Variants in CLVS1 observed in about 807,000 individuals in gnomAD.
CLVS1 encodes the protein clavesin-1.
In CLVS1, 10 loss-of-function variants were observed where a neutral mutation model predicts 33.1. The ratio of observed to expected loss-of-function variants is 0.30; its 90% CI spans 0.19 to 0.51. The LOEUF (loss-of-function observed/expected upper bound fraction) is 0.51, where lower values mean the gene tolerates loss of function less well. Among genes scored for constraint, CLVS1 ranks in the 20% least tolerant of loss-of-function variants. The pLI is 0.97. For synonymous variants in CLVS1, 163 were observed against 166.1 expected (o/e 0.98, Z 0.14); for missense variants, 343 against 433.4 (o/e 0.79, Z 1.85).
Position 61,482,534 on chromosome 8 carries a change from A to G in CLVS1, c.978-16921A>G, listed in dbSNP as rs190492120. Among the ~76,000 whole-genome samples the G allele has an allele frequency of 5.3e-5, 8 of 152,364 alleles. No individual in the cohort carries two copies. In the South Asian group the frequency reaches 6.2e-4, roughly 12 times the overall value. On this transcript the variant is annotated intron_variant, in intron 5 of 5. Coordinates refer to ENST00000325897, the MANE Select transcript of CLVS1 (RefSeq NM_173519.3). The stretch of plus-strand genomic sequence containing the variant: ...AAATGACCTAATGGAGCTGAAAACC[A>G]TGGCACAAGAACTACACGACACATG...
Position 61,213,745 on chromosome 8 carries a change from T to C in CLVS1, c.-152+81885T>C, listed in dbSNP as rs190489349. Among the ~76,000 whole-genome samples the C allele has an allele frequency of 9.0e-3, 1,375 of 152,258 alleles. 5 individuals are homozygous for C. The highest frequency in any genetic ancestry group is 0.015 in the Non-Finnish European group (1,020 of 68,022). Reference sequence around the variant, plus strand: ...AATTGCACAAATTGTAGAGCATGTGTGTTTGAGCAATATTAAATCTGGGCA... The same window carrying C: ...AATTGCACAAATTGTAGAGCATGTGCGTTTGAGCAATATTAAATCTGGGCA... On this transcript the variant is annotated intron_variant, in intron 2 of 2. Transcript: ENST00000522621.
At chr8:61,192,826 T>C (rs1807521302) in intron 2 of CLVS1, among the ~76,000 whole-genome samples, 1 of 151,936 alleles carries the variant, frequency 6.6e-6, no homozygotes, top group African/African-American at 2.4e-5. Context: ...TGAGATACCA[T>C]GTCACACCAG....
intron 5 of CLVS1, among the ~76,000 whole-genome samples, chr8:61,485,656 T>A (rs1803850399): frequency 6.6e-6 from 1 of 152,262 alleles, no homozygotes. Flanking sequence ...GTATGTTTAT[T>A]GCAGCACTAT....
intron 2 of CLVS1, among the ~76,000 whole-genome samples, chr8:61,250,735 A>G (rs1445809484): frequency 1.3e-5 from 2 of 151,916 alleles, no homozygotes; most frequent in East Asian, 3.9e-4. Flanking sequence ...TATTGGTGTA[A>G]AGGAATGCAT....
At chr8:61,094,045 T>C (rs1027052656) in intron 1 of CLVS1, among the ~76,000 whole-genome samples, 1 of 152,234 alleles carries the variant, frequency 6.6e-6, no homozygotes, top group Non-Finnish European at 1.5e-5. Flanking sequence ...TCGGGCTCAC[T>C]GTGCACAGCC....
chr8:61,217,205 C>G (rs149940797), intron 2 of CLVS1, among the ~76,000 whole-genome samples: 3 of 152,136 alleles, frequency 2.0e-5, no homozygotes, highest in Non-Finnish European at 4.4e-5. Flanking sequence ...TATAAAAGAT[C>G]TCTTATACTT....
At chr8:61,182,320 A>G (rs1226334691) in intron 2 of CLVS1, among the ~76,000 whole-genome samples, 1 of 152,202 alleles carries the variant, frequency 6.6e-6, no homozygotes, top group African/African-American at 2.4e-5. Context: ...CAAAAGGTAA[A>G]ATTGACAAAT....
chr8:61,333,635 C>A (rs1003823189), intron 2 of CLVS1, among the ~76,000 whole-genome samples: 1 of 152,126 alleles, frequency 6.6e-6, no homozygotes, highest in East Asian at 1.9e-4. Context: ...CAGGAAATGT[C>A]GCAATGGGGA....
At chr8:61,438,053 T>C (rs1165434211) in intron 3 of CLVS1, among the ~76,000 whole-genome samples, 3 of 152,152 alleles carry the variant, frequency 2.0e-5, no homozygotes. Context: ...AGTTATGGGG[T>C]ACATGTGCAC....
chr8:61,400,575 G>A (rs1490150495), intron 3 of CLVS1, among the ~76,000 whole-genome samples: 2 of 152,052 alleles, frequency 1.3e-5, no homozygotes, highest in Non-Finnish European at 2.9e-5. Context: ...CAATGTTGAC[G>A]AGGAGTGATG....
intron 2 of CLVS1, among the ~76,000 whole-genome samples, chr8:61,177,621 G>A (rs1807143501): frequency 6.6e-6 from 1 of 152,060 alleles, no homozygotes; most frequent in South Asian, 2.1e-4. Flanking sequence ...AGATTCCAGA[G>A]GAAGGAGCAG....
intron 3 of CLVS1, among the ~76,000 whole-genome samples, chr8:61,449,160 C>T (rs1428672092): frequency 6.6e-6 from 1 of 152,166 alleles, no homozygotes; most frequent in Non-Finnish European, 1.5e-5. Context: ...GGGAGGGCCT[C>T]CTCATTACTG....
chr8:61,089,186 A>G (rs914046577), intron 1 of CLVS1, among the ~76,000 whole-genome samples: 5 of 152,186 alleles, frequency 3.3e-5, no homozygotes, highest in Non-Finnish European at 7.3e-5. Flanking sequence ...ATGGCTAATA[A>G]CCCTATTTTT....
chr8:61,090,035 G>T (rs747867444), intron 1 of CLVS1, among the ~76,000 whole-genome samples: 2 of 152,218 alleles, frequency 1.3e-5, no homozygotes, highest in Non-Finnish European at 2.9e-5. Flanking sequence ...ACCTCCTGCT[G>T]TTATTTGAGC....
chr8:61,456,382 C>T (rs756441555), intron 4 of CLVS1, among the ~76,000 whole-genome samples: 1 of 152,162 alleles, frequency 6.6e-6, no homozygotes, highest in Non-Finnish European at 1.5e-5. Context: ...TTATAAAAGC[C>T]AGAAAAGTGA....
At chr8:61,247,566 T>C (rs1423841751) in intron 2 of CLVS1, among the ~76,000 whole-genome samples, 1 of 152,236 alleles carries the variant, frequency 6.6e-6, no homozygotes, top group Non-Finnish European at 1.5e-5. Context: ...TTGAGCTTTT[T>C]AAATATTCTT....
At chr8:61,492,477 T>C (rs1362936964) in intron 5 of CLVS1, among the ~76,000 whole-genome samples, 1 of 152,182 alleles carries the variant, frequency 6.6e-6, no homozygotes, top group African/African-American at 2.4e-5. Context: ...CAGCTCTTCA[T>C]GAAAGCCACG....
intron 1 of CLVS1, among the ~76,000 whole-genome samples, chr8:61,074,360 G>GTATATATATATGT (rs71245549): frequency 3.2e-5 from 3 of 92,356 alleles, no homozygotes; most frequent in African/African-American, 1.2e-4. Flanking sequence ...GTGTGTGTGT[G>GTATATATATATGT]TATATATATA....
chr8:61,309,834 G>C (rs16927170), intron 2 of CLVS1, among the ~76,000 whole-genome samples: 2,944 of 152,268 alleles, frequency 0.019, 106 homozygotes, highest in African/African-American at 0.066. Flanking sequence ...TTAAAACCCC[G>C]AGGCCGTAGG....
Sources: gnomAD v4.1 joint callset for allele counts (sites outside exome capture counted in the v4.1 genomes callset) on GRCh38, gnomAD v4.1.1 for gene constraint, MANE v1.5 for transcripts, NCBI Gene and HGNC (gene_info 2026-07-23, HGNC 2026-07-21) for gene names.